The following CUL5 variants were observed in gnomAD, a reference collection of about 807,000 sequenced individuals.
The protein encoded by CUL5 is cullin 5.
In CUL5, 26 loss-of-function variants were observed where a neutral mutation model predicts 108.8. The observed-to-expected ratio is 0.24, with a 90% CI of 0.18 to 0.33. The LOEUF is 0.33. CUL5 is among the 10% of genes least tolerant of loss of function. The pLI is 1.00. For missense variants in CUL5, 524 were observed against 909.2 expected (o/e 0.58, Z 5.45); for synonymous variants, 334 against 298.0 (o/e 1.12, Z -1.25).
chr11:108,020,029 C>T (rs1050627001), intron 1 of CUL5, among the ~76,000 whole-genome samples: 10 of 152,210 alleles, frequency 6.6e-5, no homozygotes, highest in Middle Eastern at 3.4e-3. Context: ...CTGCTCACCA[C>T]CCTGCCCCCA....
chr11:108,104,131 T>A lies in CUL5; in HGVS notation c.2149-59T>A, dbSNP rs1043349905. 5.3e-6 allele frequency: 6 copies of A among 1,141,196 alleles called. No individual in the cohort carries two copies. The African/African-American group carries it at 9.6e-5, about 18-fold the overall frequency. 70.7% of individuals were successfully genotyped at this position (1,141,196 alleles called of 1,614,324 possible). ...ATGCATAAAAAGTCATTTTTCAGTTTGTTGTACTTAAAATAATTTCGTATA... is the reference window on the plus strand; with the variant it reads ...ATGCATAAAAAGTCATTTTTCAGTTAGTTGTACTTAAAATAATTTCGTATA... On this transcript the variant is annotated intron_variant, in intron 18 of 18. Transcript: ENST00000393094.
rs1462828693 is a variant in CUL5, at chr11:108,094,377, G to T, written c.1444-14G>T. 4 of 1,558,486 alleles carry T rather than the reference G, an allele frequency of 2.6e-6. No homozygotes were observed. Among genetic ancestry groups the T allele is most frequent in the Admixed American group, 1.9e-5 (1 of 51,822 alleles). The stretch of plus-strand genomic sequence containing the variant: ...GTATTTATTACCTCTTCCTTCTTTG[G>T]TTTATATTTATAGGAAGTTGGTATG... On this transcript the variant is annotated splice_polypyrimidine_tract_variant and intron_variant, in intron 13 of 18. Coordinates refer to ENST00000393094, the MANE Select transcript of CUL5 (RefSeq NM_003478.6).
At chr11:108,051,182 C>A (rs1863211341) in intron 4 of CUL5, among the ~76,000 whole-genome samples, 1 of 152,004 alleles carries the variant, frequency 6.6e-6, no homozygotes, top group Non-Finnish European at 1.5e-5. Flanking sequence ...ATAGAAATCA[C>A]TGCAATATGG....
intron 17 of CUL5, 25 bp downstream of exon 17, chr11:108,097,779 T>TA: frequency 8.0e-7 from 1 of 1,257,848 alleles, no homozygotes; most frequent in Non-Finnish European, 1.1e-6. Flanking sequence ...TGATCTAAAA[T>TA]AAAAACACCT....
In CUL5 at chr11:108,098,415, A is replaced by G. The variant is rs780521851; in HGVS notation, c.2034A>G (p.Ala678=). ...GCAATTCTTTTTGTAGAAAAAATGC[A>G]AAGGTTCAGAAAAGGGGTAAAATCA... The part of the protein sequence containing the change: ...VNQEFSLIKN[A]KVQKRGKINL... The change falls in exon 18 of 19, where the codon GCA becomes GCG. Residue 678 remains alanine, a synonymous_variant. Coordinates refer to ENST00000393094, the MANE Select transcript of CUL5 (RefSeq NM_003478.6). The G allele has an allele frequency of 3.1e-6, 5 of 1,602,872 alleles. No individual in the cohort carries two copies. The highest frequency in any genetic ancestry group is 4.5e-5 in the East Asian group (2 of 44,344).
chr11:108,048,630 G>T (rs1364182308), intron 3 of CUL5, among the ~76,000 whole-genome samples: 1 of 141,462 alleles, frequency 7.1e-6, no homozygotes, highest in African/African-American at 2.6e-5. Flanking sequence ...CTAATAGTGG[G>T]GAAATAGACT....
At chr11:108,029,447 A>C (rs940437804) in intron 1 of CUL5, among the ~76,000 whole-genome samples, 17 of 152,230 alleles carry the variant, frequency 1.1e-4, no homozygotes, top group Admixed American at 6.5e-5. Flanking sequence ...GAAAGAATTC[A>C]AGAGGCTTTG....
chr11:108,098,957 A>G (rs1864570435), intron 18 of CUL5, among the ~76,000 whole-genome samples: 1 of 150,490 alleles, frequency 6.6e-6, no homozygotes, highest in Admixed American at 6.6e-5. Flanking sequence ...AAATTTTTCA[A>G]CTTTTACTAT....
intron 5 of CUL5, among the ~76,000 whole-genome samples, chr11:108,053,705 G>A (rs112094719): frequency 0.13 from 19,566 of 148,898 alleles, 1,367 homozygotes; most frequent in African/African-American, 0.18. Flanking sequence ...TAAGAGATGG[G>A]GTTTTGCTCT....
At chr11:108,063,826 C>A (rs1163491456) in intron 7 of CUL5, among the ~76,000 whole-genome samples, 1 of 151,968 alleles carries the variant, frequency 6.6e-6, no homozygotes, top group Admixed American at 6.6e-5. Context: ...CTCCATAGTG[C>A]TTGTACTAAT....
At chr11:108,015,375 A>G (rs998799818) in intron 1 of CUL5, among the ~76,000 whole-genome samples, 6 of 152,240 alleles carry the variant, frequency 3.9e-5, no homozygotes, top group Admixed American at 1.3e-4. Flanking sequence ...ATGTGATACG[A>G]AGATTTGAAT....
intron 10 of CUL5, among the ~76,000 whole-genome samples, chr11:108,074,246 G>T (rs1863894012): frequency 7.1e-6 from 1 of 140,278 alleles, no homozygotes; most frequent in Admixed American, 7.4e-5. Context: ...CCAGGCTTGA[G>T]TGCAATGGCA....
At chr11:108,015,190 C>A (rs1862150853) in intron 1 of CUL5, among the ~76,000 whole-genome samples, 1 of 152,126 alleles carries the variant, frequency 6.6e-6, no homozygotes, top group Non-Finnish European at 1.5e-5. Context: ...TGAGCCATCA[C>A]AGCTGGCTTA....
At chr11:108,044,191 A>T (rs1225338980) in intron 2 of CUL5, among the ~76,000 whole-genome samples, 1 of 152,118 alleles carries the variant, frequency 6.6e-6, no homozygotes, top group Non-Finnish European at 1.5e-5. Context: ...TAATATGGAG[A>T]CAAAACTTTG....
intron 2 of CUL5, among the ~76,000 whole-genome samples, chr11:108,042,184 T>C (rs1862937296): frequency 6.6e-6 from 1 of 151,472 alleles, no homozygotes; most frequent in Admixed American, 6.6e-5. Flanking sequence ...GATGTGCTTA[T>C]AGTCCACTGC....
chr11:108,069,607 G>A (rs1368995192), intron 7 of CUL5, among the ~76,000 whole-genome samples: 1 of 152,056 alleles, frequency 6.6e-6, no homozygotes, highest in Non-Finnish European at 1.5e-5. Context: ...TATTTAGTTA[G>A]CAGTGTAGGT....
intron 12 of CUL5, 50 bp downstream of exon 12, chr11:108,088,709 T>C (rs768247635): frequency 2.1e-6 from 3 of 1,460,090 alleles, no homozygotes; most frequent in Non-Finnish European, 1.9e-6. Context: ...TACTTTGAAT[T>C]TGTGTTTTGC....
At chr11:108,082,793 C>T (rs998395476) in intron 11 of CUL5, among the ~76,000 whole-genome samples, 7 of 148,908 alleles carry the variant, frequency 4.7e-5, no homozygotes, top group East Asian at 1.9e-4. Context: ...CCACCATGCC[C>T]GGCTAATTTT....
intron 1 of CUL5, among the ~76,000 whole-genome samples, chr11:108,027,745 T>C (rs545771529): frequency 6.6e-6 from 1 of 152,274 alleles, no homozygotes; most frequent in East Asian, 1.9e-4. Flanking sequence ...TCCACTCTAA[T>C]CTGGTATTTG....
Sources: gnomAD v4.1 joint callset for allele counts (sites outside exome capture counted in the v4.1 genomes callset) on GRCh38, gnomAD v4.1.1 for gene constraint, MANE v1.5 for transcripts, NCBI Gene and HGNC (gene_info 2026-07-23, HGNC 2026-07-21) for gene names.